SEC24D: variants seen among roughly 807,000 people sequenced by gnomAD.
SEC24D encodes protein transport protein Sec24D.
SEC24D carries 69 observed loss-of-function variants against 116.9 expected under a neutral mutation model. The ratio of observed to expected loss-of-function variants is 0.59; its 90% CI spans 0.49 to 0.72. The LOEUF (loss-of-function observed/expected upper bound fraction) is 0.72, where lower values mean the gene tolerates loss of function less well. SEC24D is among the 30% of genes least tolerant of loss of function. The pLI, the probability that SEC24D is intolerant of heterozygous loss-of-function variation, is 0.00. For synonymous variants in SEC24D, 405 were observed against 442.8 expected, an observed-to-expected ratio of 0.91 and a Z score of 1.07; for missense variants, 1,131 against 1,264.1, an observed-to-expected ratio of 0.89 and a Z score of 1.60.
chr4:118,738,284 C>T lies in SEC24D; in HGVS notation c.2473G>A (p.Ala825Thr), dbSNP rs756321391. The stretch of plus-strand genomic sequence containing the variant: ...ACCTGGCTTGCTGCAGAAGGACTTG[C>T]ACAATTCTTCCGGTAACATGCCAAC... ...HMLACYRKNC[A>T]SPSAASQLIL... Residue 825 changes from alanine (A) to threonine (T), a missense_variant, in exon 19 of 23, where the codon GCA becomes ACA. Physicochemically the swap from Ala to Thr is moderately conservative, Grantham distance 58. Coordinates refer to ENST00000280551, the MANE Select transcript of SEC24D (RefSeq NM_014822.4). 3.7e-6 allele frequency: 6 copies of T among 1,613,160 alleles called. No individual in the cohort carries two copies. Among genetic ancestry groups the T allele is most frequent in the Non-Finnish European group, 4.2e-6 (5 of 1,179,216 alleles).
intron 3 of SEC24D, among the ~76,000 whole-genome samples, chr4:118,820,433 C>A (rs1376271557): frequency 6.6e-6 from 1 of 152,130 alleles, no homozygotes; most frequent in African/African-American, 2.4e-5. Flanking sequence ...CCCGCCTTGG[C>A]CTTCCAAAGT....
Position 118,731,275 on chromosome 4 carries a change from A to G in SEC24D, c.2868+41T>C, listed in dbSNP as rs776109519. ...TAAATAAAAACATTTACGAATTTAT[A>G]TTTTTCATATTACCACAAAAGCAAT... On this transcript the variant is annotated intron_variant, in intron 21 of 22. Coordinates refer to ENST00000280551, the MANE Select transcript of SEC24D (RefSeq NM_014822.4). The G allele has an allele frequency of 8.6e-6, 13 of 1,515,460 alleles. No individual in the cohort carries two copies. The South Asian group carries it at 1.4e-4, about 16-fold the overall frequency. The allele number at this position is 1,515,460 out of a possible 1,614,324, so 93.9% of individuals were successfully genotyped here. A position where few individuals can be genotyped will look rare whatever the true frequency, so the allele number is the denominator to read the frequency against.
At chr4:118,765,828 T>TA (rs1407516226) in intron 9 of SEC24D, among the ~76,000 whole-genome samples, 5 of 139,100 alleles carry the variant, frequency 3.6e-5, no homozygotes, top group Middle Eastern at 3.6e-3. Context: ...TGTTCTTTTT[T>TA]TAAAAAAAAA....
At chr4:118,789,731 C>T (rs1369251184) in intron 8 of SEC24D, among the ~76,000 whole-genome samples, 3 of 152,146 alleles carry the variant, frequency 2.0e-5, no homozygotes, top group African/African-American at 2.4e-5. Flanking sequence ...ACTACAGGCA[C>T]GTGCCACCAT....
intron 8 of SEC24D, among the ~76,000 whole-genome samples, chr4:118,792,629 C>T (rs1222042240): frequency 6.6e-6 from 1 of 152,182 alleles, no homozygotes; most frequent in African/African-American, 2.4e-5. Flanking sequence ...GCTGTGTCCA[C>T]TAAGTGTTAA....
At chr4:118,794,567 C>T (rs994981270) in intron 8 of SEC24D, among the ~76,000 whole-genome samples, 9 of 152,128 alleles carry the variant, frequency 5.9e-5, no homozygotes, top group African/African-American at 1.9e-4. Context: ...AGGTTTCCGT[C>T]AAGGTAGAAG....
chr4:118,792,467 AAAAG>A (rs1280842778), intron 8 of SEC24D, among the ~76,000 whole-genome samples: 2 of 152,250 alleles, frequency 1.3e-5, no homozygotes, highest in Non-Finnish European at 2.9e-5. Context: ...AAATGTGGGG[AAAAG>A]AAAGAGAGAT....
At chr4:118,773,044 T>C (rs1402074233) in intron 8 of SEC24D, among the ~76,000 whole-genome samples, 1 of 152,116 alleles carries the variant, frequency 6.6e-6, no homozygotes, top group Non-Finnish European at 1.5e-5. Context: ...ACACACAAAC[T>C]CTTCAACCAC....
At chr4:118,829,384 C>T (rs1238762272) in intron 2 of SEC24D, among the ~76,000 whole-genome samples, 1 of 152,010 alleles carries the variant, frequency 6.6e-6, no homozygotes, top group African/African-American at 2.4e-5. Flanking sequence ...ATGGTGGGCA[C>T]ACCTATAATC....
At chr4:118,822,573 A>C (rs1316363763) in intron 3 of SEC24D, among the ~76,000 whole-genome samples, 1 of 152,106 alleles carries the variant, frequency 6.6e-6, no homozygotes, top group Non-Finnish European at 1.5e-5. Flanking sequence ...GAAGTTTACA[A>C]CAATTTTTTT....
chr4:118,727,688 GA>G (rs1167992383), intron 22 of SEC24D, among the ~76,000 whole-genome samples: 3 of 151,910 alleles, frequency 2.0e-5, no homozygotes, highest in Non-Finnish European at 4.4e-5. Context: ...TGTTTAGTTT[GA>G]GCCTTGTCTG....
intron 15 of SEC24D, among the ~76,000 whole-genome samples, chr4:118,742,376 G>GGA (rs973780836): frequency 6.6e-6 from 1 of 151,798 alleles, no homozygotes; most frequent in East Asian, 1.9e-4. Flanking sequence ...GGAAAAGTGG[G>GGA]GGGGGGAAAG....
At chr4:118,742,946 T>A (rs996171718) in intron 15 of SEC24D, among the ~76,000 whole-genome samples, 29 of 148,714 alleles carry the variant, frequency 2.0e-4, no homozygotes, top group African/African-American at 7.3e-4. Context: ...CAATACAGTG[T>A]TTTTTTCAAG....
intron 3 of SEC24D, among the ~76,000 whole-genome samples, chr4:118,822,745 A>ATT (rs201472862): frequency 6.7e-6 from 1 of 149,948 alleles, no homozygotes; most frequent in Non-Finnish European, 1.5e-5. Context: ...CTAATTTTCT[A>ATT]TTTTTTTTTG....
chr4:118,754,680 A>G (rs938422846), intron 11 of SEC24D, among the ~76,000 whole-genome samples: 9 of 152,178 alleles, frequency 5.9e-5, no homozygotes, highest in Admixed American at 3.3e-4. Flanking sequence ...AATAGTATAC[A>G]TTTCTTCCCA....
chr4:118,831,352 A>T (rs1730849482), intron 2 of SEC24D, among the ~76,000 whole-genome samples: 1 of 151,834 alleles, frequency 6.6e-6, no homozygotes, highest in Non-Finnish European at 1.5e-5. Context: ...TTGTTTTTTT[A>T]ATAAAGTTTC....
Position 118,828,835 on chromosome 4 carries a change from T to A in SEC24D, c.119-4086A>T, listed in dbSNP as rs138782738. 7.9e-5 allele frequency among the ~76,000 whole-genome samples: 12 copies of A among 152,326 alleles called. No homozygotes were observed. The South Asian group carries it at 1.9e-3, about 24-fold the overall frequency. On this transcript the variant is annotated intron_variant, in intron 2 of 22. Transcript: ENST00000280551. ...GCCCTTACAATAAAGTCTAAATTCC[T>A]TAAAATGATCCCACATTCCCCCGCC...
rs1051721964 is a variant in SEC24D, at chr4:118,755,282, A to G, written c.1422-2394T>C. ...TGAAGTTATATAAGAGATTTCATAA[A>G]GACTAATACATTGATGTTCTTTTTT... On this transcript the variant is annotated intron_variant, in intron 11 of 22. Transcript: ENST00000280551. 1.3e-4 allele frequency among the ~76,000 whole-genome samples: 20 copies of G among 152,054 alleles called. No homozygotes were observed. In the South Asian group the frequency reaches 2.3e-3, roughly 17 times the overall value.
chr4:118,752,234 G>T, intron 12 of SEC24D, 145 bp from the exon 13 acceptor site: 1 of 596,368 alleles, frequency 1.7e-6, no homozygotes, highest in Non-Finnish European at 3.0e-6. Flanking sequence ...CTTAGGAAAT[G>T]ATATCTTAGC....
Sources: allele counts gnomAD v4.1 joint callset (sites outside exome capture counted in the v4.1 genomes callset), GRCh38; gene constraint gnomAD v4.1.1; transcripts MANE v1.5; gene names NCBI Gene and HGNC (gene_info 2026-07-23, HGNC 2026-07-21).